ZFHX3: variants seen among roughly 807,000 people sequenced by gnomAD.
ZFHX3 encodes the protein zinc finger homeobox 3.
In ZFHX3, 42 loss-of-function variants were observed where a neutral mutation model predicts 279.1. The observed-to-expected ratio is 0.15, with a 90% CI of 0.12 to 0.19. The LOEUF (loss-of-function observed/expected upper bound fraction) is 0.19, where lower values mean the gene tolerates loss of function less well. ZFHX3 is among the 10% of genes least tolerant of loss of function. The pLI is 1.00. For synonymous variants in ZFHX3, 2,293 were observed against 1,957.8 expected (o/e 1.17, Z -4.52); for missense variants, 4,981 against 4,754.0 (o/e 1.05, Z -1.40).
At chr16:72,841,971 C>T (rs1050648694) in intron 4 of ZFHX3, among the ~76,000 whole-genome samples, 2 of 152,172 alleles carry the variant, frequency 1.3e-5, no homozygotes, top group Admixed American at 6.5e-5. Flanking sequence ...CATGAGATGA[C>T]AAAGTCATCA....
At chr16:72,984,899 A>G (rs1962782390) in intron 1 of ZFHX3, among the ~76,000 whole-genome samples, 1 of 152,194 alleles carries the variant, frequency 6.6e-6, no homozygotes, top group South Asian at 2.1e-4. Flanking sequence ...TATAGTATAC[A>G]TATGGATATA....
At chr16:72,993,174 A>G (rs900564035) in intron 1 of ZFHX3, among the ~76,000 whole-genome samples, 2 of 152,190 alleles carry the variant, frequency 1.3e-5, no homozygotes, top group African/African-American at 2.4e-5. Flanking sequence ...GCAAAAAGGC[A>G]GGACACATGA....
At chr16:73,264,572 A>G (rs2013913923) in intron 4 of ZFHX3, among the ~76,000 whole-genome samples, 1 of 149,860 alleles carries the variant, frequency 6.7e-6, no homozygotes, top group Admixed American at 6.6e-5. Flanking sequence ...GGAACAACCG[A>G]CTTTTTTTTT....
At chr16:72,885,133 G>T (rs77726422) in intron 4 of ZFHX3, among the ~76,000 whole-genome samples, 5,863 of 152,306 alleles carry the variant, frequency 0.038, 371 homozygotes, top group African/African-American at 0.13. Flanking sequence ...GGTAGGGGTG[G>T]AAAAGTGTAA....
At chr16:72,892,755 G>A (rs550908195) in intron 3 of ZFHX3, among the ~76,000 whole-genome samples, 5 of 152,218 alleles carry the variant, frequency 3.3e-5, no homozygotes, top group Admixed American at 1.3e-4. Context: ...CGATCCACCC[G>A]CCTCAGTCTC....
chr16:73,136,108 G>T (rs1015898184), intron 6 of ZFHX3, among the ~76,000 whole-genome samples: 2 of 152,030 alleles, frequency 1.3e-5, no homozygotes, highest in African/African-American at 4.8e-5. Context: ...CGCCCTCCTC[G>T]GCCTCCTAAA....
At chr16:73,019,978 A>G (rs7192969) in intron 1 of ZFHX3, among the ~76,000 whole-genome samples, 151,890 of 152,296 alleles carry the variant, frequency 1, 75,742 homozygotes, top group Middle Eastern at 1. Context: ...TCCTGCAAGC[A>G]CCATGGAGAC....
At chr16:73,746,829 G>C (rs1200203252) in intron 1 of ZFHX3, among the ~76,000 whole-genome samples, 1 of 152,152 alleles carries the variant, frequency 6.6e-6, no homozygotes, top group Non-Finnish European at 1.5e-5. Flanking sequence ...TAATTACCCA[G>C]AGTCTAAACT....
intron 2 of ZFHX3, among the ~76,000 whole-genome samples, chr16:73,584,821 A>T (rs1338992421): frequency 4.6e-5 from 7 of 152,146 alleles, no homozygotes; most frequent in Admixed American, 1.3e-4. Flanking sequence ...ATGGGAGAAA[A>T]TTTTTGCAAT....
intron 3 of ZFHX3, among the ~76,000 whole-genome samples, chr16:73,352,764 C>A (rs936428772): frequency 6.6e-6 from 1 of 152,160 alleles, no homozygotes; most frequent in African/African-American, 2.4e-5. Flanking sequence ...AGGGACACAA[C>A]TAGCCACTTA....
At chr16:73,183,599 T>C (rs1196390555) in intron 5 of ZFHX3, among the ~76,000 whole-genome samples, 1 of 152,230 alleles carries the variant, frequency 6.6e-6, no homozygotes, top group Non-Finnish European at 1.5e-5. Context: ...TGGAGATGGT[T>C]GGGGCTACAG....
chr16:72,920,496 A>G (rs2039556687), intron 3 of ZFHX3, among the ~76,000 whole-genome samples: 1 of 151,746 alleles, frequency 6.6e-6, no homozygotes, highest in Admixed American at 6.6e-5. Flanking sequence ...CCTGGCCAAC[A>G]TGGCGAAACC....
intron 3 of ZFHX3, among the ~76,000 whole-genome samples, chr16:73,410,539 T>C (rs1274356394): frequency 6.6e-6 from 1 of 152,236 alleles, no homozygotes; most frequent in Non-Finnish European, 1.5e-5. Flanking sequence ...TTATTATGCA[T>C]TGTATGCCTG....
chr16:73,723,788 G>A (rs922259416), intron 1 of ZFHX3, among the ~76,000 whole-genome samples: 1 of 152,094 alleles, frequency 6.6e-6, no homozygotes, highest in Non-Finnish European at 1.5e-5. Flanking sequence ...TGAATTAAAC[G>A]ATCTTTAAAA....
At chr16:73,075,989 G>T (rs1318641462) in intron 8 of ZFHX3, among the ~76,000 whole-genome samples, 1 of 152,120 alleles carries the variant, frequency 6.6e-6, no homozygotes, top group Non-Finnish European at 1.5e-5. Context: ...CAAAGGCTTG[G>T]GTTCCAGTGT....
chr16:72,851,289 G>A (rs763594001), intron 4 of ZFHX3, among the ~76,000 whole-genome samples: 5 of 152,140 alleles, frequency 3.3e-5, no homozygotes, highest in Non-Finnish European at 5.9e-5. Context: ...TGCAATCCAC[G>A]AAGTGACTTT....
intron 3 of ZFHX3, among the ~76,000 whole-genome samples, chr16:73,361,953 G>C (rs562408215): frequency 1.3e-5 from 2 of 152,130 alleles, no homozygotes; most frequent in Non-Finnish European, 2.9e-5. Flanking sequence ...CAGCCCATCC[G>C]TCTGCTCTCA....
chr16:73,885,836 C>A (rs893243194), intron 1 of ZFHX3, among the ~76,000 whole-genome samples: 3 of 152,036 alleles, frequency 2.0e-5, no homozygotes, highest in African/African-American at 7.3e-5. Flanking sequence ...CACTGCAAGT[C>A]ACTTTCACTC....
chr16:73,863,080 C>T (rs1961923613), intron 1 of ZFHX3, among the ~76,000 whole-genome samples: 1 of 152,142 alleles, frequency 6.6e-6, no homozygotes, highest in South Asian at 2.1e-4. Context: ...GTGGCAGGCG[C>T]CTGTAATCCC....
Sources: allele counts gnomAD v4.1 joint callset (sites outside exome capture counted in the v4.1 genomes callset), GRCh38; gene constraint gnomAD v4.1.1; transcripts MANE v1.5; gene names NCBI Gene and HGNC (gene_info 2026-07-23, HGNC 2026-07-21).